SFXN5: variants seen among roughly 807,000 people sequenced by gnomAD.
SFXN5 encodes the protein sideroflexin-5.
SFXN5 carries 43 observed loss-of-function variants against 50.2 expected under a neutral mutation model. The ratio of observed to expected loss-of-function variants is 0.86; its 90% CI spans 0.67 to 1.11. The LOEUF (loss-of-function observed/expected upper bound fraction) is 1.11, where lower values mean the gene tolerates loss of function less well. Among genes scored for constraint, SFXN5 ranks in the 50% least tolerant of loss-of-function variants. The pLI is 0.00. For synonymous variants in SFXN5, 203 were observed against 185.8 expected (o/e 1.09, Z -0.75); for missense variants, 463 against 454.1 (o/e 1.02, Z -0.18).
chr2:72,971,600 G>A lies in SFXN5; in HGVS notation c.711C>T (p.Leu237=), dbSNP rs148361418. ...GIDVLDSDGN[L]VGSSKIAARH... ...GGGCTGCGATCTTGGAGGAGCCCAC[G>A]AGGTTGCCATCGCTGTCCAGGACAT... Residue 237 remains leucine, a synonymous_variant, in exon 11 of 14, where the codon CTC becomes CTT. Transcript: ENST00000272433. The A allele has an allele frequency of 1.3e-4, 208 of 1,613,974 alleles. No individual in the cohort carries two copies. The highest frequency in any genetic ancestry group is 1.1e-3 in the Admixed American group (66 of 60,010).
chr2:73,035,634 G>C (rs1194579119), intron 3 of SFXN5, among the ~76,000 whole-genome samples: 1 of 151,660 alleles, frequency 6.6e-6, no homozygotes, highest in African/African-American at 2.4e-5. Flanking sequence ...TGAGTAGCTG[G>C]GACTACAGGT....
At chr2:72,967,457 G>A (rs1323615067) in intron 12 of SFXN5, 1 of 152,192 alleles carries the variant, frequency 6.6e-6, no homozygotes, top group Non-Finnish European at 1.5e-5. Context: ...GGTCAGGGAG[G>A]GCCTCTTTGA....
At chr2:72,984,306 T>G (rs1003403067) in intron 10 of SFXN5, among the ~76,000 whole-genome samples, 3 of 152,204 alleles carry the variant, frequency 2.0e-5, no homozygotes, top group Non-Finnish European at 4.4e-5. Flanking sequence ...GCTTCCCACA[T>G]ACTCAGCACA....
intron 13 of SFXN5, among the ~76,000 whole-genome samples, chr2:72,954,659 G>A (rs1313145825): frequency 1.3e-5 from 2 of 152,176 alleles, no homozygotes; most frequent in Non-Finnish European, 2.9e-5. Flanking sequence ...CCCCACAGCT[G>A]CAGGGAGGAC....
In SFXN5 at chr2:72,942,090, T is replaced by TAGATTG. The variant is rs1291879282; in HGVS notation, c.*2926_*2931dup. 6.6e-6 allele frequency: 1 copy of TAGATTG among 152,094 alleles called. No individual in the cohort carries two copies. The highest frequency in any genetic ancestry group is 1.9e-4 in the East Asian group (1 of 5,188). 9.4% of individuals were successfully genotyped at this position (152,094 alleles called of 1,614,324 possible). On this transcript the variant is annotated 3_prime_UTR_variant, in exon 14 of 14. Transcript: ENST00000272433. ...GCTCATTAGTATTACACAAATCACA[T>TAGATTG]AGATTGAGAAATTTTCTGAGGTTAA... is the stretch of plus-strand genomic sequence containing the variant.
In SFXN5 at chr2:72,943,864, C is replaced by A. The variant is rs1573909677; in HGVS notation, c.*1158G>T. On this transcript the variant is annotated 3_prime_UTR_variant, in exon 14 of 14. Coordinates refer to ENST00000272433, the MANE Select transcript of SFXN5 (RefSeq NM_144579.3). ...GTCTTGCTGGAGGAGCCAGTGGGAA[C>A]CCCTTGATCCAGTCTTCTGGTTTCA... The A allele has an allele frequency of 6.6e-6, 1 of 152,318 alleles. No individual in the cohort carries two copies. Among genetic ancestry groups the A allele is most frequent in the Admixed American group, 6.5e-5 (1 of 15,288 alleles). 9.4% of individuals were successfully genotyped at this position (152,318 alleles called of 1,614,324 possible).
At chr2:72,997,298 T>C (rs968780254) in intron 9 of SFXN5, 1 of 152,248 alleles carries the variant, frequency 6.6e-6, no homozygotes, top group Non-Finnish European at 1.5e-5. Flanking sequence ...TTGTGGCGTA[T>C]GGTACAATGG....
At chr2:73,041,038 G>A (rs991822473) in intron 2 of SFXN5, 107 bp from the exon 3 acceptor site, 13 of 780,378 alleles carry the variant, frequency 1.7e-5, no homozygotes, top group Non-Finnish European at 2.4e-5. Flanking sequence ...GCAAGGCTTT[G>A]GGCCTGCCCT....
At chr2:72,946,807 G>GC (rs1357756468) in intron 13 of SFXN5, among the ~76,000 whole-genome samples, 3 of 152,130 alleles carry the variant, frequency 2.0e-5, no homozygotes, top group Non-Finnish European at 1.5e-5. Context: ...CTTCTAAACT[G>GC]CAAGTCTTCC....
At chr2:73,029,613 A>T (rs1332762842) in intron 3 of SFXN5, among the ~76,000 whole-genome samples, 2 of 152,194 alleles carry the variant, frequency 1.3e-5, no homozygotes, top group Non-Finnish European at 2.9e-5. Context: ...AGGCCTCCTC[A>T]CCTAGGTCTC....
chr2:73,063,051 G>A (rs1198585173), intron 1 of SFXN5, among the ~76,000 whole-genome samples: 1 of 152,204 alleles, frequency 6.6e-6, no homozygotes, highest in African/African-American at 2.4e-5. Context: ...AGCAGCCACA[G>A]ATGATGCCTC....
At chr2:72,965,110 C>T (rs1297733214) in intron 12 of SFXN5, among the ~76,000 whole-genome samples, 1 of 152,234 alleles carries the variant, frequency 6.6e-6, no homozygotes. Context: ...CAGGCAAACA[C>T]ACAGGCAGCT....
intron 6 of SFXN5, among the ~76,000 whole-genome samples, chr2:73,005,843 A>G (rs955355432): frequency 6.8e-6 from 1 of 146,632 alleles, no homozygotes; most frequent in African/African-American, 2.5e-5. Context: ...TTATTAGATA[A>G]TTATTGGCCA....
rs867642792 is a variant in SFXN5 at position 73,040,783 on chromosome 2, C to T, written c.249+71G>A. On this transcript the variant is annotated intron_variant, in intron 3 of 13. Transcript: ENST00000272433. ...ACGAAAGAAGTGGTTCTGGCTGCAG[C>T]GAAGGGTTTGTGAATTTCTCACTTT... The T allele has an allele frequency of 9.3e-6, 12 of 1,287,526 alleles. No individual in the cohort carries two copies. The East Asian group carries it at 9.4e-5, about 10-fold the overall frequency. 79.8% of individuals were successfully genotyped at this position (1,287,526 alleles called of 1,614,324 possible).
chr2:72,968,340 G>A lies in SFXN5; in HGVS notation c.827+108C>T. On this transcript the variant is annotated intron_variant, in intron 12 of 13. Transcript: ENST00000272433. ...ACCTTCCACCCTCTACACAAACTGG[G>A]GTGGGCTTCCTGCCACCCCCTCATC... is the stretch of plus-strand genomic sequence containing the variant. The A allele has an allele frequency of 4.2e-6, 4 of 942,454 alleles. No individual in the cohort carries two copies. In the South Asian group the frequency reaches 6.3e-5, roughly 15 times the overall value. The allele number at this position is 942,454 out of a possible 1,614,324, so 58.4% of individuals were successfully genotyped here. A position where few individuals can be genotyped will look rare whatever the true frequency, so the allele number is the denominator to read the frequency against.
At chr2:73,047,287 T>TATATATACACAC (rs1680590312) in intron 2 of SFXN5, among the ~76,000 whole-genome samples, 1 of 97,312 alleles carries the variant, frequency 1.0e-5, no homozygotes, top group Non-Finnish European at 1.9e-5. Flanking sequence ...CACACATATA[T>TATATATACACAC]ATATATATAT....
At chr2:73,055,024 C>G (rs1039026758) in intron 2 of SFXN5, among the ~76,000 whole-genome samples, 1 of 152,248 alleles carries the variant, frequency 6.6e-6, no homozygotes, top group African/African-American at 2.4e-5. Flanking sequence ...TTTCATGTTA[C>G]TGGGCTGCTC....
intron 1 of SFXN5, among the ~76,000 whole-genome samples, chr2:73,069,305 G>A (rs1683402299): frequency 6.6e-6 from 1 of 152,188 alleles, no homozygotes; most frequent in Non-Finnish European, 1.5e-5. Context: ...GACGATGGGG[G>A]CTTGGTCTAG....
intron 6 of SFXN5, among the ~76,000 whole-genome samples, chr2:73,012,872 G>A (rs1031033391): frequency 1.2e-4 from 18 of 151,954 alleles, no homozygotes; most frequent in Admixed American, 9.8e-4. Context: ...TGTGGGTAGC[G>A]TTAGGTAAGT....
Sources: allele counts gnomAD v4.1 joint callset (sites outside exome capture counted in the v4.1 genomes callset), GRCh38; gene constraint gnomAD v4.1.1; transcripts MANE v1.5; gene names NCBI Gene and HGNC (gene_info 2026-07-23, HGNC 2026-07-21).